Variants in PTPRR observed in about 807,000 individuals in gnomAD.
PTPRR encodes the protein receptor-type tyrosine-protein phosphatase R.
Under a neutral mutation model 77.2 loss-of-function variants are expected in PTPRR, and 38 were observed. The ratio of observed to expected loss-of-function variants is 0.49; its 90% CI spans 0.38 to 0.65. The LOEUF (loss-of-function observed/expected upper bound fraction) is 0.65. Ranked by LOEUF, PTPRR falls within the 30% of genes least tolerant of loss-of-function variation. The probability of loss-of-function intolerance (pLI) is 0.00; values close to 1 mark genes in which losing one functional copy is unlikely to be tolerated. For missense variants in PTPRR, 744 were observed against 799.2 expected, an observed-to-expected ratio of 0.93 and a Z score of 0.83; for synonymous variants, 299 against 283.1, an observed-to-expected ratio of 1.06 and a Z score of -0.57.
chr12:70,872,525 C>A (rs1181096537), intron 2 of PTPRR, among the ~76,000 whole-genome samples: 8 of 151,658 alleles, frequency 5.3e-5, no homozygotes, highest in Admixed American at 3.9e-4. Flanking sequence ...GAAACCCCGT[C>A]TCTACTAAAA....
At chr12:70,678,100 G>A (rs1270520814) in intron 10 of PTPRR, among the ~76,000 whole-genome samples, 1 of 152,158 alleles carries the variant, frequency 6.6e-6, no homozygotes, top group Non-Finnish European at 1.5e-5. Flanking sequence ...GAGTACAGTG[G>A]CATGATCTTG....
rs192126091 is a variant in PTPRR, at chr12:70,732,904, T to C, written c.1007+12914A>G. Among the ~76,000 whole-genome samples the C allele has an allele frequency of 3.9e-5, 6 of 152,246 alleles. No homozygotes were observed. The East Asian group carries it at 1.2e-3, about 29-fold the overall frequency. The stretch of plus-strand genomic sequence containing the variant: ...TTAAAACATATTTCTTCCTATAAAA[T>C]TAACTTGATGTCCAAGAACTTGTTC... On this transcript the variant is annotated intron_variant, in intron 6 of 13. Coordinates refer to ENST00000283228, the MANE Select transcript of PTPRR (RefSeq NM_002849.4).
Position 70,668,713 on chromosome 12 carries a change from T to C in PTPRR, c.1498-6108A>G, listed in dbSNP as rs531727487. On this transcript the variant is annotated intron_variant, in intron 10 of 13. Coordinates refer to ENST00000283228, the MANE Select transcript of PTPRR (RefSeq NM_002849.4). ...ATATCTATTGAGTAGCCAATCTTTC[T>C]ATCTGAATGAATGCACATCTGATTT... Among the ~76,000 whole-genome samples the C allele has an allele frequency of 8.7e-4, 133 of 152,338 alleles. 1 individual carries two copies. Among genetic ancestry groups the C allele is most frequent in the African/African-American group, 3.1e-3 (129 of 41,584 alleles).
chr12:70,852,999 A>G (rs1413663394), intron 2 of PTPRR, among the ~76,000 whole-genome samples: 1 of 152,182 alleles, frequency 6.6e-6, no homozygotes. Context: ...TGTTCCTTAC[A>G]ATAATCATGA....
chr12:70,891,025 A>G (rs1001339684), intron 2 of PTPRR, among the ~76,000 whole-genome samples: 2 of 152,136 alleles, frequency 1.3e-5, no homozygotes, highest in African/African-American at 4.8e-5. Flanking sequence ...ATTGCAGGAA[A>G]CATTAGGACT....
chr12:70,701,050 G>A, intron 7 of PTPRR, 87 bp downstream of exon 7: 1 of 1,404,560 alleles, frequency 7.1e-7, no homozygotes, highest in Non-Finnish European at 9.9e-7. Context: ...GACTGCTTAA[G>A]TATAGGACAG....
chr12:70,657,421 T>C (rs949032661), intron 12 of PTPRR, among the ~76,000 whole-genome samples: 4 of 152,340 alleles, frequency 2.6e-5, no homozygotes, highest in East Asian at 1.9e-4. Flanking sequence ...GACATGATAA[T>C]TGAACAGAAA....
intron 13 of PTPRR, among the ~76,000 whole-genome samples, chr12:70,650,153 T>A (rs893400660): frequency 1.3e-5 from 2 of 152,116 alleles, no homozygotes; most frequent in African/African-American, 4.8e-5. Context: ...CGAAGAAATA[T>A]AGTGTAGGGC....
intron 2 of PTPRR, among the ~76,000 whole-genome samples, chr12:70,814,616 G>A (rs1891867844): frequency 6.6e-6 from 1 of 152,158 alleles, no homozygotes; most frequent in African/African-American, 2.4e-5. Flanking sequence ...AGCAGGCTCT[G>A]GGAGTAGAGG....
chr12:70,751,714 G>T (rs1012115154), intron 5 of PTPRR, among the ~76,000 whole-genome samples: 4 of 151,934 alleles, frequency 2.6e-5, no homozygotes, highest in African/African-American at 9.7e-5. Flanking sequence ...GTAGTTTTAG[G>T]TTTACAGAAA....
intron 6 of PTPRR, among the ~76,000 whole-genome samples, chr12:70,705,372 A>G (rs568793627): frequency 1.8e-4 from 27 of 152,232 alleles, no homozygotes; most frequent in African/African-American, 6.5e-4. Flanking sequence ...ATTTAGGAAG[A>G]AAGGGCTAAA....
chr12:70,901,381 A>G (rs916521824), intron 1 of PTPRR, among the ~76,000 whole-genome samples: 1 of 151,748 alleles, frequency 6.6e-6, no homozygotes, highest in Non-Finnish European at 1.5e-5. Context: ...CGAATGGGTA[A>G]AAGAGCATGG....
intron 13 of PTPRR, among the ~76,000 whole-genome samples, chr12:70,651,644 A>G (rs1199319923): frequency 6.6e-6 from 1 of 152,180 alleles, no homozygotes; most frequent in Non-Finnish European, 1.5e-5. Context: ...TATGTTGCCC[A>G]GGGTGGGTGG....
intron 2 of PTPRR, among the ~76,000 whole-genome samples, chr12:70,838,572 G>A (rs1892343004): frequency 6.6e-6 from 1 of 152,102 alleles, no homozygotes; most frequent in Non-Finnish European, 1.5e-5. Flanking sequence ...TTGGTTGGCT[G>A]GGAAAGAACA....
At chr12:70,713,527 T>C (rs2136821428) in intron 6 of PTPRR, among the ~76,000 whole-genome samples, 1 of 151,666 alleles carries the variant, frequency 6.6e-6, no homozygotes, top group African/African-American at 2.4e-5. Context: ...GTCTGAGATT[T>C]CCAATTTCTC....
At chr12:70,789,042 C>G (rs996133788) in intron 2 of PTPRR, 2 of 498,552 alleles carry the variant, frequency 4.0e-6, no homozygotes, top group Non-Finnish European at 6.7e-6. Flanking sequence ...AAGAGATATC[C>G]CAGGTGCTTG....
intron 2 of PTPRR, among the ~76,000 whole-genome samples, chr12:70,876,149 T>G (rs1417641557): frequency 6.6e-6 from 1 of 152,172 alleles, no homozygotes; most frequent in African/African-American, 2.4e-5. Context: ...AAAATCTTTC[T>G]TTTGAAAATC....
chr12:70,734,727 C>A (rs1405143805), intron 6 of PTPRR, among the ~76,000 whole-genome samples: 1 of 152,164 alleles, frequency 6.6e-6, no homozygotes, highest in African/African-American at 2.4e-5. Flanking sequence ...CAGGTCTACA[C>A]TTTCAGGACT....
intron 4 of PTPRR, among the ~76,000 whole-genome samples, chr12:70,759,426 T>C (rs979741094): frequency 2.0e-5 from 3 of 152,050 alleles, no homozygotes; most frequent in Non-Finnish European, 1.5e-5. Context: ...GTAAGGAGCA[T>C]CTTCGTCTGT....
Sources: gnomAD v4.1 joint callset for allele counts (sites outside exome capture counted in the v4.1 genomes callset) on GRCh38, gnomAD v4.1.1 for gene constraint, MANE v1.5 for transcripts, NCBI Gene and HGNC (gene_info 2026-07-23, HGNC 2026-07-21) for gene names.